PDGFC: variants seen among roughly 807,000 people sequenced by gnomAD.
PDGFC encodes the protein platelet-derived growth factor C.
Under a neutral mutation model 35.5 loss-of-function variants are expected in PDGFC, and 12 were observed. That is an observed-to-expected ratio of 0.34 (90% CI 0.22 to 0.55). PDGFC has a LOEUF of 0.55. Ranked by LOEUF, PDGFC falls within the 20% of genes least tolerant of loss-of-function variation. The probability of loss-of-function intolerance (pLI) is 0.91; values close to 1 mark genes in which losing one functional copy is unlikely to be tolerated. For synonymous variants in PDGFC, 159 were observed against 148.8 expected, an observed-to-expected ratio of 1.07 and a Z score of -0.50; for missense variants, 322 against 412.4, an observed-to-expected ratio of 0.78 and a Z score of 1.90.
intron 2 of PDGFC, among the ~76,000 whole-genome samples, chr4:156,824,781 C>CT (rs950003204): frequency 7.5e-4 from 114 of 152,224 alleles, no homozygotes; most frequent in African/African-American, 2.6e-3. Context: ...ACAAAGGACA[C>CT]TATTCATAGT....
chr4:156,907,062 T>C (rs922985843), intron 1 of PDGFC, among the ~76,000 whole-genome samples: 2 of 152,194 alleles, frequency 1.3e-5, no homozygotes, highest in African/African-American at 4.8e-5. Context: ...GAAATCTGTT[T>C]ATTTTACTCA....
intron 1 of PDGFC, among the ~76,000 whole-genome samples, chr4:156,863,681 G>T (rs1345072236): frequency 6.6e-6 from 1 of 152,046 alleles, no homozygotes; most frequent in Non-Finnish European, 1.5e-5. Flanking sequence ...TCACTCCACT[G>T]CTTGAATCAG....
chr4:156,777,966 A>G (rs573284055), intron 3 of PDGFC, among the ~76,000 whole-genome samples: 285 of 151,982 alleles, frequency 1.9e-3, no homozygotes, highest in African/African-American at 5.5e-3. Context: ...TTAGCCAGGC[A>G]TGTTGGCCAC....
intron 1 of PDGFC, among the ~76,000 whole-genome samples, chr4:156,862,418 A>G (rs923148320): frequency 5.3e-5 from 8 of 152,206 alleles, no homozygotes; most frequent in Non-Finnish European, 1.2e-4. Context: ...AGAACATTCA[A>G]AATTGAACAC....
intron 2 of PDGFC, among the ~76,000 whole-genome samples, chr4:156,833,245 C>T (rs922431542): frequency 4.6e-5 from 7 of 152,136 alleles, no homozygotes; most frequent in Admixed American, 6.5e-5. Flanking sequence ...TAGATATCTC[C>T]GGCTAGTTAA....
At chr4:156,850,447 AT>A in intron 1 of PDGFC, 31 bp from the exon 2 acceptor site, 1 of 1,330,126 alleles carries the variant, frequency 7.5e-7, no homozygotes, top group African/African-American at 1.5e-5. Context: ...ATAGACATAC[AT>A]TTAGATTTCA....
intron 1 of PDGFC, among the ~76,000 whole-genome samples, chr4:156,906,657 A>G (rs917501810): frequency 2.0e-5 from 3 of 152,154 alleles, no homozygotes; most frequent in Non-Finnish European, 4.4e-5. Context: ...TTATCTTTGA[A>G]GTTTTGGGAT....
intron 1 of PDGFC, among the ~76,000 whole-genome samples, chr4:156,927,397 T>C (rs1579105133): frequency 6.6e-6 from 1 of 152,172 alleles, no homozygotes; most frequent in African/African-American, 2.4e-5. Flanking sequence ...TTCTATTGCA[T>C]TGTCTGGCTG....
intron 1 of PDGFC, among the ~76,000 whole-genome samples, chr4:156,915,878 T>A (rs1289410459): frequency 6.6e-6 from 1 of 152,080 alleles, no homozygotes; most frequent in African/African-American, 2.4e-5. Flanking sequence ...CCCCAAAGAA[T>A]AGAAGCAACG....
At chr4:156,932,271 T>G (rs1207836106) in intron 1 of PDGFC, among the ~76,000 whole-genome samples, 1 of 152,106 alleles carries the variant, frequency 6.6e-6, no homozygotes, top group African/African-American at 2.4e-5. Flanking sequence ...AAGTATAAAC[T>G]CAGGAACAAC....
intron 2 of PDGFC, among the ~76,000 whole-genome samples, chr4:156,828,739 A>C (rs997056785): frequency 7.2e-5 from 11 of 152,178 alleles, no homozygotes; most frequent in African/African-American, 2.7e-4. Context: ...TTCTACTTAC[A>C]TCACTTTCAT....
chr4:156,927,121 G>C (rs1218678648), intron 1 of PDGFC, among the ~76,000 whole-genome samples: 1 of 152,154 alleles, frequency 6.6e-6, no homozygotes, highest in East Asian at 1.9e-4. Context: ...GCTGAACCTT[G>C]GCCCCTTTTA....
chr4:156,878,616 G>A (rs1268857170), intron 1 of PDGFC, among the ~76,000 whole-genome samples: 15 of 151,988 alleles, frequency 9.9e-5, no homozygotes, highest in Admixed American at 6.6e-5. Context: ...ATACTTACCG[G>A]TTGAGCATTC....
At chr4:156,909,506 T>C (rs541690096) in intron 1 of PDGFC, among the ~76,000 whole-genome samples, 115 of 152,296 alleles carry the variant, frequency 7.6e-4, no homozygotes, top group African/African-American at 2.6e-3. Flanking sequence ...TAATTATAAG[T>C]ACATGTCACT....
chr4:156,887,029 T>G (rs1730392570), intron 1 of PDGFC, among the ~76,000 whole-genome samples: 2 of 152,206 alleles, frequency 1.3e-5, no homozygotes, highest in Admixed American at 6.5e-5. Context: ...TTTTTGTATG[T>G]ATTCACACAT....
At chr4:156,926,890 G>A (rs1018625468) in intron 1 of PDGFC, among the ~76,000 whole-genome samples, 1 of 152,134 alleles carries the variant, frequency 6.6e-6, no homozygotes, top group Non-Finnish European at 1.5e-5. Flanking sequence ...TGGGGGCTCT[G>A]ACCCCACATT....
chr4:156,809,405 C>T (rs997317258), intron 3 of PDGFC, among the ~76,000 whole-genome samples: 1 of 152,004 alleles, frequency 6.6e-6, no homozygotes, highest in African/African-American at 2.4e-5. Context: ...CACTTTCAAT[C>T]AACCTTTGGG....
At chr4:156,775,106 T>C (rs1730793799) in intron 3 of PDGFC, among the ~76,000 whole-genome samples, 2 of 152,176 alleles carry the variant, frequency 1.3e-5, no homozygotes, top group African/African-American at 4.8e-5. Context: ...CAGTGTTTTC[T>C]ATAATTGTCC....
intron 1 of PDGFC, chr4:156,967,656 T>C (rs2110990233): frequency 6.6e-6 from 1 of 152,264 alleles, no homozygotes; most frequent in Admixed American, 6.5e-5. Flanking sequence ...ACAAAGTAGG[T>C]TTTGTTTTGT....
Sources: allele counts gnomAD v4.1 joint callset (sites outside exome capture counted in the v4.1 genomes callset), GRCh38; gene constraint gnomAD v4.1.1; transcripts MANE v1.5; gene names NCBI Gene and HGNC (gene_info 2026-07-23, HGNC 2026-07-21).